The following LRP2 variants were observed in gnomAD, a reference collection of about 807,000 sequenced individuals.
The protein encoded by LRP2 is LDL receptor related protein 2, also known as low-density lipoprotein receptor-related protein 2.
LRP2 carries 172 observed loss-of-function variants against 531.0 expected under a neutral mutation model. The observed-to-expected ratio is 0.32, with a 90% CI of 0.29 to 0.37. LRP2 has a LOEUF of 0.37. LRP2 is among the 10% of genes least tolerant of loss of function. LRP2 has a pLI of 1.00. For missense variants in LRP2, 5,167 were observed against 5,868.3 expected (o/e 0.88, Z 3.90); for synonymous variants, 1,992 against 2,027.6 (o/e 0.98, Z 0.47).
intron 1 of LRP2, among the ~76,000 whole-genome samples, chr2:169,346,032 C>A (rs1217723328): frequency 6.6e-6 from 1 of 152,236 alleles, no homozygotes; most frequent in East Asian, 1.9e-4. Context: ...CATCCTCTTC[C>A]TATCCCTTTC....
rs111405388 is a variant in LRP2, at chr2:169,331,421, G to C, written c.80-10537C>G. ...GTTAGCCAGCATCAAAGCACTGAAA[G>C]TGTATTTGTACCAGTCTTTTCTGTG... On this transcript the variant is annotated intron_variant, in intron 1 of 78. Transcript: ENST00000649046. Among the ~76,000 whole-genome samples, 401 of 152,286 alleles carry C rather than the reference G, an allele frequency of 2.6e-3. 2 individuals carry two copies. Among genetic ancestry groups the C allele is most frequent in the African/African-American group, 9.0e-3 (376 of 41,572 alleles).
chr2:169,334,637 T>C (rs1273541024), intron 1 of LRP2, among the ~76,000 whole-genome samples: 1 of 152,218 alleles, frequency 6.6e-6, no homozygotes, highest in Admixed American at 6.5e-5. Flanking sequence ...GGCAAAGCAC[T>C]GACTGTCCCT....
At chr2:169,200,101 A>G (rs1688149648) in intron 44 of LRP2, among the ~76,000 whole-genome samples, 1 of 152,094 alleles carries the variant, frequency 6.6e-6, no homozygotes, top group East Asian at 1.9e-4. Flanking sequence ...AATACAAAAA[A>G]TTAGCCAGGC....
At chr2:169,329,153 G>C (rs1364708826) in intron 1 of LRP2, among the ~76,000 whole-genome samples, 2 of 152,198 alleles carry the variant, frequency 1.3e-5, no homozygotes, top group African/African-American at 2.4e-5. Context: ...CATCAGAGAA[G>C]TCTTCACAAA....
In LRP2 at chr2:169,176,579, G is replaced by C; in HGVS notation, c.10403C>G (p.Pro3468Arg). 6.2e-7 allele frequency: 1 copy of C among 1,614,014 alleles called. No individual in the cohort carries two copies. The highest frequency in any genetic ancestry group is 8.5e-7 in the Non-Finnish European group (1 of 1,179,998). Residue 3468 changes from proline to arginine, a missense_variant, in exon 54 of 79, where the codon CCC becomes CGC. Pro to Arg is a moderately radical substitution (Grantham distance 103). Around this residue, in one of 6 missense-constraint regions of LRP2, gnomAD observed 1,129 missense variants for 1,362.7 expected, o/e 0.83. Transcript: ENST00000649046. ...HPYRQPIVSN[P>R]CGTNNGGCSH... ...ACAGCCACCATTGTTGGTACCACAG[G>C]GATTGCTCACTAGTGGAAAAGGAAG... is the stretch of plus-strand genomic sequence containing the variant.
chr2:169,173,080 C>T lies in LRP2; in HGVS notation c.11143+16G>A. 1 of 1,614,162 alleles carries T rather than the reference C, an allele frequency of 6.2e-7. No homozygotes were observed. The highest frequency in any genetic ancestry group is 8.5e-7 in the Non-Finnish European group (1 of 1,180,026). ...CTTTCTTGTCCCTCCCTCCACTCCC[C>T]TGTGGCCCCTCCTACCACAGCCTTG... On this transcript the variant is annotated intron_variant, in intron 57 of 78. Coordinates refer to ENST00000649046, the MANE Select transcript of LRP2 (RefSeq NM_004525.3).
intron 3 of LRP2, among the ~76,000 whole-genome samples, chr2:169,309,215 C>A (rs1574243321): frequency 6.6e-6 from 1 of 152,270 alleles, no homozygotes; most frequent in East Asian, 1.9e-4. Flanking sequence ...TGTGCAGAAA[C>A]TCTTTAGTTT....
rs2105361443 is a variant in LRP2, at chr2:169,226,403, A to G, written c.5394+19T>C. 1.9e-6 allele frequency: 3 copies of G among 1,599,356 alleles called. No individual in the cohort carries two copies. In the East Asian group the frequency reaches 6.7e-5, roughly 36 times the overall value. ...CTTCAAGAATAAATTATATACTTTG[A>G]ATGTTATTCAAAACTTACTGGATTT... On this transcript the variant is annotated intron_variant, in intron 32 of 78. Coordinates refer to ENST00000649046, the MANE Select transcript of LRP2 (RefSeq NM_004525.3).
intron 66 of LRP2, among the ~76,000 whole-genome samples, chr2:169,153,169 A>T (rs1394500840): frequency 6.6e-6 from 1 of 152,232 alleles, no homozygotes; most frequent in Non-Finnish European, 1.5e-5. Context: ...AAATGCTTCA[A>T]CTGAGAACTT....
At chr2:169,162,837 G>A (rs1292271577) in intron 62 of LRP2, among the ~76,000 whole-genome samples, 1 of 152,200 alleles carries the variant, frequency 6.6e-6, no homozygotes, top group East Asian at 1.9e-4. Context: ...CCTCCTCCGT[G>A]TCTCCTGTGC....
At chr2:169,213,532 G>T (rs1376986503) in intron 36 of LRP2, 125 bp downstream of exon 36, 1 of 849,146 alleles carries the variant, frequency 1.2e-6, no homozygotes, top group Non-Finnish European at 2.0e-6. Flanking sequence ...AAATATTTCA[G>T]GTAACTTCAA....
At chr2:169,235,187 C>T (rs891541811) in intron 29 of LRP2, among the ~76,000 whole-genome samples, 1 of 151,200 alleles carries the variant, frequency 6.6e-6, no homozygotes, top group Non-Finnish European at 1.5e-5. Context: ...GCTAGGATTA[C>T]AGATGTGAGA....
chr2:169,241,916 C>T (rs953027157), intron 24 of LRP2, among the ~76,000 whole-genome samples: 2 of 152,264 alleles, frequency 1.3e-5, no homozygotes, highest in African/African-American at 4.8e-5. Context: ...TGGAGAGATA[C>T]GTAAGAACTG....
intron 63 of LRP2, among the ~76,000 whole-genome samples, chr2:169,161,997 A>G (rs2105370193): frequency 6.6e-6 from 1 of 152,176 alleles, no homozygotes; most frequent in African/African-American, 2.4e-5. Context: ...GCACCCATTA[A>G]CTCATCATTT....
chr2:169,244,993 T>G, intron 21 of LRP2, 61 bp from the exon 22 acceptor site: 1 of 1,602,486 alleles, frequency 6.2e-7, no homozygotes, highest in Non-Finnish European at 8.5e-7. Flanking sequence ...AAATGAGTTC[T>G]TGCCTTATAA....
chr2:169,227,980 G>T (rs1689261954), intron 31 of LRP2, among the ~76,000 whole-genome samples: 1 of 152,078 alleles, frequency 6.6e-6, no homozygotes, highest in East Asian at 1.9e-4. Context: ...TCTTCTCTCA[G>T]CTGCTCCACA....
At chr2:169,162,244 G>C (rs1202422462) in intron 63 of LRP2, among the ~76,000 whole-genome samples, 1 of 152,162 alleles carries the variant, frequency 6.6e-6, no homozygotes, top group Admixed American at 6.5e-5. Context: ...ATAAGAAAGA[G>C]ATAATAACAT....
intron 76 of LRP2, among the ~76,000 whole-genome samples, chr2:169,135,820 A>T (rs936524592): frequency 6.6e-6 from 1 of 152,090 alleles, no homozygotes; most frequent in Non-Finnish European, 1.5e-5. Context: ...AAAACTTGTC[A>T]TCCCTACTAT....
intron 73 of LRP2, 86 bp from the exon 74 acceptor site, chr2:169,139,457 A>T: frequency 1.9e-6 from 3 of 1,613,232 alleles, no homozygotes; most frequent in Non-Finnish European, 2.5e-6. Flanking sequence ...ACTCCTTCAA[A>T]GACTGGGTTA....
Sources: allele counts gnomAD v4.1 joint callset (sites outside exome capture counted in the v4.1 genomes callset), GRCh38; gene constraint gnomAD v4.1.1; regional missense constraint gnomAD v4.1.1; transcripts MANE v1.5; gene names NCBI Gene and HGNC (gene_info 2026-07-23, HGNC 2026-07-21).